Variants in ANKS1B observed in about 807,000 individuals in gnomAD.
ANKS1B encodes the protein ankyrin repeat and sterile alpha motif domain containing 1B.
A neutral mutation model predicts 148.3 loss-of-function variants in ANKS1B; 36 were observed. That is an observed-to-expected ratio of 0.24 (90% confidence interval 0.19 to 0.32). The LOEUF is 0.32. Among genes scored for constraint, ANKS1B ranks in the 10% least tolerant of loss-of-function variants. The probability of loss-of-function intolerance (pLI) is 1.00; values close to 1 mark genes in which losing one functional copy is unlikely to be tolerated. For synonymous variants in ANKS1B, 542 were observed against 560.8 expected (o/e 0.97, Z 0.47); for missense variants, 1,157 against 1,542.6 (o/e 0.75, Z 4.19).
At chr12:99,275,258 C>T (rs540886769) in intron 12 of ANKS1B, among the ~76,000 whole-genome samples, 27 of 152,232 alleles carry the variant, frequency 1.8e-4, no homozygotes, top group African/African-American at 6.0e-4. Flanking sequence ...TGTTGACTAT[C>T]GTCACCCTGT....
chr12:98,763,138 C>T (rs1337065984), intron 25 of ANKS1B, among the ~76,000 whole-genome samples: 3 of 152,094 alleles, frequency 2.0e-5, no homozygotes, highest in Non-Finnish European at 2.9e-5. Context: ...CAGAAAGAAG[C>T]GACATTTCTT....
chr12:99,591,869 C>T (rs2097706476), intron 9 of ANKS1B, among the ~76,000 whole-genome samples: 1 of 152,168 alleles, frequency 6.6e-6, no homozygotes, highest in South Asian at 2.1e-4. Flanking sequence ...GATATAGACC[C>T]TCACATCTAG....
At chr12:99,359,932 G>C (rs2092342635) in intron 12 of ANKS1B, among the ~76,000 whole-genome samples, 1 of 152,072 alleles carries the variant, frequency 6.6e-6, no homozygotes, top group Non-Finnish European at 1.5e-5. Flanking sequence ...AGTGTTAATA[G>C]TATTTCATTA....
intron 17 of ANKS1B, among the ~76,000 whole-genome samples, chr12:98,917,731 T>C (rs1193569177): frequency 6.6e-6 from 1 of 152,196 alleles, no homozygotes; most frequent in Non-Finnish European, 1.5e-5. Context: ...TGGGGACCAC[T>C]TAGTGAAGCA....
At chr12:99,406,272 C>T (rs1308286753) in intron 11 of ANKS1B, among the ~76,000 whole-genome samples, 1 of 145,140 alleles carries the variant, frequency 6.9e-6, no homozygotes, top group East Asian at 1.9e-4. Context: ...TTTGTTAGGT[C>T]ACGAAACAAG....
intron 8 of ANKS1B, among the ~76,000 whole-genome samples, chr12:99,704,925 A>G (rs532579896): frequency 1.1e-3 from 174 of 152,192 alleles, no homozygotes; most frequent in Non-Finnish European, 1.9e-3. Context: ...AGACATAAAG[A>G]CAAGCAGAAC....
chr12:99,097,223 A>G (rs1450078099), intron 15 of ANKS1B: 1 of 152,204 alleles, frequency 6.6e-6, no homozygotes, highest in Admixed American at 6.5e-5. Flanking sequence ...TGGAAATTCT[A>G]ATATGCAGGA....
At chr12:99,078,657 C>G (rs1463324975) in intron 16 of ANKS1B, among the ~76,000 whole-genome samples, 1 of 151,992 alleles carries the variant, frequency 6.6e-6, no homozygotes, top group Non-Finnish European at 1.5e-5. Context: ...ACGGATTATT[C>G]CATTTTAACT....
intron 8 of ANKS1B, among the ~76,000 whole-genome samples, chr12:99,709,645 T>A (rs1471349511): frequency 6.6e-6 from 1 of 152,064 alleles, no homozygotes; most frequent in Non-Finnish European, 1.5e-5. Flanking sequence ...GGTTTTAGCA[T>A]GTTAGAGCAG....
chr12:99,745,399 G>A (rs957720794), intron 8 of ANKS1B, among the ~76,000 whole-genome samples: 2 of 152,114 alleles, frequency 1.3e-5, no homozygotes, highest in African/African-American at 4.8e-5. Context: ...TATCTACTCG[G>A]AAGTCCTTAA....
chr12:99,623,090 G>T (rs2098073856), intron 9 of ANKS1B, among the ~76,000 whole-genome samples: 1 of 151,904 alleles, frequency 6.6e-6, no homozygotes, highest in Admixed American at 6.6e-5. Context: ...TGCAAAGTTG[G>T]CTCAATATAT....
chr12:98,787,151 A>C (rs568080211), intron 22 of ANKS1B, among the ~76,000 whole-genome samples: 2 of 152,296 alleles, frequency 1.3e-5, no homozygotes, highest in South Asian at 2.1e-4. Context: ...TACACAAAAT[A>C]AGCATTATTG....
At chr12:99,429,351 T>C (rs1390913891) in intron 11 of ANKS1B, among the ~76,000 whole-genome samples, 1 of 152,142 alleles carries the variant, frequency 6.6e-6, no homozygotes, top group Non-Finnish European at 1.5e-5. Context: ...ATACCCTGAA[T>C]CTAATTATAA....
intron 8 of ANKS1B, among the ~76,000 whole-genome samples, chr12:99,692,899 C>A (rs968854891): frequency 1.3e-5 from 2 of 152,134 alleles, no homozygotes; most frequent in African/African-American, 2.4e-5. Flanking sequence ...GATGGTTATA[C>A]ATGTCTCAAA....
At chr12:99,328,514 T>G (rs538974570) in intron 12 of ANKS1B, among the ~76,000 whole-genome samples, 1 of 151,942 alleles carries the variant, frequency 6.6e-6, no homozygotes. Flanking sequence ...ACACAGAAGG[T>G]TCTTGCCTCA....
At chr12:99,773,168 A>T in intron 7 of ANKS1B, 80 bp from the exon 8 acceptor site, 4 of 1,155,300 alleles carry the variant, frequency 3.5e-6, no homozygotes, top group Non-Finnish European at 4.9e-6. Context: ...TATGACTGCT[A>T]TGGTGATAGA....
intron 14 of ANKS1B, among the ~76,000 whole-genome samples, chr12:99,201,220 A>C (rs996873351): frequency 1.3e-5 from 2 of 152,190 alleles, no homozygotes; most frequent in African/African-American, 4.8e-5. Flanking sequence ...TCTGAATCAT[A>C]GTAAGGTGTC....
At chr12:99,538,220 G>A (rs1283062382) in intron 9 of ANKS1B, among the ~76,000 whole-genome samples, 1 of 152,078 alleles carries the variant, frequency 6.6e-6, no homozygotes, top group African/African-American at 2.4e-5. Context: ...TTTTTGCTTA[G>A]GATAGCTTTG....
intron 14 of ANKS1B, among the ~76,000 whole-genome samples, chr12:99,187,399 C>G (rs2080014711): frequency 6.6e-6 from 1 of 152,032 alleles, no homozygotes; most frequent in African/African-American, 2.4e-5. Context: ...TCCGATTCAC[C>G]AAGGTTGAAA....
Sources: allele counts gnomAD v4.1 joint callset (sites outside exome capture counted in the v4.1 genomes callset), GRCh38; gene constraint gnomAD v4.1.1; transcripts MANE v1.5; gene names NCBI Gene and HGNC (gene_info 2026-07-23, HGNC 2026-07-21).